The following MAGEB10 variants were observed in gnomAD, a reference collection of about 807,000 sequenced individuals.
MAGEB10 encodes MAGE family member B10.
For synonymous variants in MAGEB10, 99 were observed against 101.0 expected (o/e 0.98, Z 0.12); for missense variants, 190 against 261.9 (o/e 0.73, Z 1.89).
At position 27,822,283 on chromosome X, in the gene MAGEB10, C is replaced by T; in HGVS notation, c.977C>T (p.Ala326Val). 2 of 1,211,596 alleles carry T rather than the reference C, an allele frequency of 1.7e-6. No individual in the cohort carries two copies. Among genetic ancestry groups the T allele is most frequent in the Non-Finnish European group, 2.2e-6 (2 of 895,489 alleles). ...ERARARVAAKARVSATAGARS... is the reference protein window; with the variant it reads ...ERARARVAAKVRVSATAGARS... The stretch of plus-strand genomic sequence containing the variant: ...GCCAGAGCCAGAGTTGCAGCCAAGG[C>T]TCGCGTTAGTGCCACAGCCGGTGCA... Residue 326 changes from alanine (A) to valine (V), a missense_variant, in exon 3 of 3, where the codon GCT (alanine) becomes GTT (valine). Ala to Val is a moderately conservative substitution (Grantham distance 64). Coordinates refer to ENST00000356790, the MANE Select transcript of MAGEB10 (RefSeq NM_182506.3).
intron 1 of MAGEB10, among the ~76,000 whole-genome samples, chrX:27,810,357 C>G (rs764931858): frequency 1.2e-4 from 13 of 111,770 alleles, no homozygotes; most frequent in Non-Finnish European, 2.3e-4. Context: ...TCCGGACACG[C>G]CACCTTTAAG....
chrX:27,809,392 GCCAGCCCCCTCCAAC>G (rs1923614394), intron 1 of MAGEB10, among the ~76,000 whole-genome samples: 1 of 8,349 alleles, frequency 1.2e-4, no homozygotes, highest in African/African-American at 5.4e-4. Flanking sequence ...CCCCAACCCC[GCCAGCCCCCTCCAAC>G]CCCGCCAGCC....
At chrX:27,817,317 T>C (rs1472312975) in intron 1 of MAGEB10, among the ~76,000 whole-genome samples, 1 of 110,535 alleles carries the variant, frequency 9.0e-6, no homozygotes, top group East Asian at 2.8e-4. Flanking sequence ...TATGTATTCT[T>C]GTTGCCAAAA....
chrX:27,809,210 G>A (rs1261731807), intron 1 of MAGEB10, among the ~76,000 whole-genome samples: 1 of 111,157 alleles, frequency 9.0e-6, no homozygotes, highest in Non-Finnish European at 1.9e-5. Flanking sequence ...GTGGGCATGA[G>A]CTTGGCGGGC....
At chrX:27,808,096 C>T (rs1207182860) in intron 1 of MAGEB10, 60 bp downstream of exon 1, 5 of 112,819 alleles carry the variant, frequency 4.4e-5, no homozygotes, top group African/African-American at 1.6e-4. Flanking sequence ...GAAAGAACGC[C>T]ATGCCGTCCG....
chrX:27,811,046 G>C (rs1665100729), intron 1 of MAGEB10, among the ~76,000 whole-genome samples: 1 of 101,322 alleles, frequency 9.9e-6, no homozygotes, highest in African/African-American at 3.6e-5. Context: ...TTCTCTGATT[G>C]GTATAGGCCT....
At chrX:27,815,402 A>G (rs373613887) in intron 1 of MAGEB10, among the ~76,000 whole-genome samples, 4 of 112,317 alleles carry the variant, frequency 3.6e-5, no homozygotes, top group South Asian at 7.4e-4. Context: ...TGCTCTGAGT[A>G]ATTCCACCAC....
intron 2 of MAGEB10, among the ~76,000 whole-genome samples, chrX:27,818,967 G>A (rs1473378537): frequency 2.7e-5 from 3 of 111,217 alleles, no homozygotes; most frequent in African/African-American, 9.8e-5. Context: ...AGAGGGAGGA[G>A]TCCCAGTCTC....
At chrX:27,814,732 G>T (rs777327480) in intron 1 of MAGEB10, among the ~76,000 whole-genome samples, 1 of 111,900 alleles carries the variant, frequency 8.9e-6, no homozygotes, top group African/African-American at 3.2e-5. Context: ...TTCACAAAAA[G>T]CCTGAGCCTC....
rs1466776778 is a variant in MAGEB10 at position 27,822,363 on chromosome X, ATTC to A, written c.*17_*19del. The A allele has an allele frequency of 2.0e-5, 24 of 1,185,224 alleles. No individual in the cohort carries two copies. The highest frequency in any genetic ancestry group is 2.6e-5 in the Non-Finnish European group (23 of 881,960). ...CCAACTGCAGTAAAGTCTGAGGGAG[ATTC>A]TTCATTTGTGTTTGAAAAGAAATGC... is the stretch of plus-strand genomic sequence containing the variant. On this transcript the variant is annotated 3_prime_UTR_variant, in exon 3 of 3. Coordinates refer to ENST00000356790, the MANE Select transcript of MAGEB10 (RefSeq NM_182506.3).
At position 27,812,643 on chromosome X, in the gene MAGEB10, G is replaced by A. The variant is rs772874816; in HGVS notation, c.-199+4607G>A. ...CCTCCTCACCAAAGATTTAGTGCAA[G>A]AGCAGTACCTGGAGTATTGGGAAGT... is the stretch of plus-strand genomic sequence containing the variant. On this transcript the variant is annotated intron_variant, in intron 1 of 2. Coordinates refer to ENST00000356790, the MANE Select transcript of MAGEB10 (RefSeq NM_182506.3). 3.6e-4 allele frequency: 105 copies of A among 287,764 alleles called. 1 individual carries two copies. Among genetic ancestry groups the A allele is most frequent in the African/African-American group, 2.3e-3 (85 of 36,607 alleles). The allele number at this position is 287,764 out of a possible 1,213,427, so 23.7% of individuals were successfully genotyped here.
chrX:27,812,756 G>C (rs1029700065), intron 1 of MAGEB10: 2 of 365,785 alleles, frequency 5.5e-6, no homozygotes, highest in Non-Finnish European at 1.1e-5. Context: ...TAGAGTTTTT[G>C]GCCAAGATCC....
chrX:27,821,555 C>T lies in MAGEB10; in HGVS notation c.249C>T (p.Pro83=), dbSNP rs200901223. 12 of 1,208,068 alleles carry T rather than the reference C, an allele frequency of 9.9e-6. No homozygotes were observed. The East Asian group carries it at 2.7e-4, about 27-fold the overall frequency. The change falls in exon 3 of 3, where the codon CCC becomes CCT. Residue 83 remains proline (P), a synonymous_variant. Coordinates refer to ENST00000356790, the MANE Select transcript of MAGEB10 (RefSeq NM_182506.3). ...SATAASHTRH[P]EGVNDQMEER... Reference sequence around the variant, plus strand: ...CAGCTGCTTCACACACAAGACATCCCGAAGGAGTCAACGACCAAATGGAAG... The same window carrying T: ...CAGCTGCTTCACACACAAGACATCCTGAAGGAGTCAACGACCAAATGGAAG...
At chrX:27,818,763 A>G (rs1229555162) in intron 2 of MAGEB10, among the ~76,000 whole-genome samples, 1 of 111,936 alleles carries the variant, frequency 8.9e-6, no homozygotes, top group East Asian at 2.8e-4. Context: ...TGCAGGTAAC[A>G]AGTATAGGTG....
At chrX:27,808,792 C>T (rs1185405616) in intron 1 of MAGEB10, among the ~76,000 whole-genome samples, 3 of 111,892 alleles carry the variant, frequency 2.7e-5, no homozygotes, top group Non-Finnish European at 3.8e-5. Context: ...TTCCATAAAA[C>T]TCCCTTTCTG....
In MAGEB10 at chrX:27,817,618, T is replaced by A. The variant is rs747654159; in HGVS notation, c.-134T>A. 5 of 110,529 alleles carry A rather than the reference T, an allele frequency of 4.5e-5. No individual in the cohort carries two copies. The highest frequency in any genetic ancestry group is 6.6e-5 in the African/African-American group (2 of 30,336). 9.1% of individuals were successfully genotyped at this position (110,529 alleles called of 1,213,427 possible). A position where few individuals can be genotyped will look rare whatever the true frequency, so the allele number is the denominator to read the frequency against. ...GGTGTGATCATAACTCAGTATAGCC[T>A]AGAACTCCTGAGCTCAAGCAATCCT... On this transcript the variant is annotated 5_prime_UTR_variant, in exon 2 of 3. Coordinates refer to ENST00000356790, the MANE Select transcript of MAGEB10 (RefSeq NM_182506.3).
At chrX:27,809,636 G>A (rs1485773744) in intron 1 of MAGEB10, among the ~76,000 whole-genome samples, 1 of 68,637 alleles carries the variant, frequency 1.5e-5, no homozygotes, top group African/African-American at 5.6e-5. Context: ...CCGCTCTGCG[G>A]TGCCCAGTCC....
At chrX:27,819,857 G>C (rs777292362) in intron 2 of MAGEB10, among the ~76,000 whole-genome samples, 1 of 111,394 alleles carries the variant, frequency 9.0e-6, no homozygotes, top group Admixed American at 9.6e-5. Context: ...TTAAAAAACT[G>C]GTGCCAGAGG....
chrX:27,814,642 A>C (rs765102948), intron 1 of MAGEB10, among the ~76,000 whole-genome samples: 12 of 111,745 alleles, frequency 1.1e-4, no homozygotes, highest in African/African-American at 3.9e-4. Flanking sequence ...ATATGCAATA[A>C]ATAATAGGCA....
Sources: gnomAD v4.1 joint callset for allele counts (sites outside exome capture counted in the v4.1 genomes callset) on GRCh38, gnomAD v4.1.1 for gene constraint, MANE v1.5 for transcripts, NCBI Gene and HGNC (gene_info 2026-07-23, HGNC 2026-07-21) for gene names.